The following NRCAM variants were observed in gnomAD, a reference collection of about 807,000 sequenced individuals.
The protein encoded by NRCAM is neuronal cell adhesion molecule, also known as NgCAM-related cell adhesion molecule.
NRCAM carries 83 observed loss-of-function variants against 156.5 expected under a neutral mutation model. The ratio of observed to expected loss-of-function variants is 0.53; its 90% confidence interval spans 0.44 to 0.64. The LOEUF is 0.64. NRCAM is among the 30% of genes least tolerant of loss of function. The pLI, the probability that NRCAM is intolerant of heterozygous loss-of-function variation, is 0.00. For missense variants in NRCAM, 1,417 were observed against 1,597.3 expected (o/e 0.89, Z 1.92); for synonymous variants, 538 against 563.9 (o/e 0.95, Z 0.65).
At chr7:108,454,845 G>T (rs1854715660) in intron 1 of NRCAM, among the ~76,000 whole-genome samples, 1 of 152,196 alleles carries the variant, frequency 6.6e-6, no homozygotes, top group Admixed American at 6.5e-5. Context: ...ACTTCTGAGC[G>T]TTAACCATCT....
intron 26 of NRCAM, among the ~76,000 whole-genome samples, chr7:108,177,655 A>G (rs1365889391): frequency 5.4e-4 from 8 of 14,930 alleles, no homozygotes; most frequent in Admixed American, 3.2e-3. Flanking sequence ...ATATATATAT[A>G]TATATGTATA....
At chr7:108,321,890 C>T (rs747201255) in intron 2 of NRCAM, among the ~76,000 whole-genome samples, 2 of 152,288 alleles carry the variant, frequency 1.3e-5, no homozygotes, top group South Asian at 2.1e-4. Flanking sequence ...AACTGTAGCT[C>T]ATATTCTAGC....
At chr7:108,331,141 A>G (rs1593718231) in intron 2 of NRCAM, among the ~76,000 whole-genome samples, 1 of 152,170 alleles carries the variant, frequency 6.6e-6, no homozygotes, top group East Asian at 1.9e-4. Context: ...GCTCGTGCCT[A>G]TAATCCCAAT....
intron 2 of NRCAM, among the ~76,000 whole-genome samples, chr7:108,314,036 G>A (rs1220142773): frequency 1.3e-5 from 2 of 152,182 alleles, no homozygotes; most frequent in Non-Finnish European, 2.9e-5. Flanking sequence ...GCATAATCCA[G>A]TTCAGGGCAA....
At chr7:108,179,412 C>A (rs2062318090) in intron 25 of NRCAM, among the ~76,000 whole-genome samples, 1 of 152,222 alleles carries the variant, frequency 6.6e-6, no homozygotes, top group Non-Finnish European at 1.5e-5. Flanking sequence ...TGGGGTCCAT[C>A]TTCTGTGAAC....
chr7:108,180,196 G>A (rs775300771), intron 25 of NRCAM, 27 bp downstream of exon 25: 1 of 1,604,098 alleles, frequency 6.2e-7, no homozygotes, highest in Non-Finnish European at 8.5e-7. Flanking sequence ...ATGTTCCTGA[G>A]ATCTTAGAGA....
chr7:108,310,741 A>T (rs1053896868), intron 3 of NRCAM, among the ~76,000 whole-genome samples: 2 of 152,156 alleles, frequency 1.3e-5, no homozygotes, highest in African/African-American at 4.8e-5. Flanking sequence ...AATTGGGAAG[A>T]CTCAGTATTT....
chr7:108,224,598 C>T (rs1052771089), intron 10 of NRCAM, among the ~76,000 whole-genome samples: 12 of 152,086 alleles, frequency 7.9e-5, no homozygotes, highest in African/African-American at 2.9e-4. Context: ...GAAATTACAT[C>T]ATCTTAAGGT....
chr7:108,215,699 CT>C (rs1266938953), intron 11 of NRCAM, among the ~76,000 whole-genome samples: 4 of 146,876 alleles, frequency 2.7e-5, no homozygotes, highest in Admixed American at 6.8e-5. Context: ...GGTTTAAAGT[CT>C]GTTTTATCAG....
chr7:108,218,967 T>C (rs920059506), intron 11 of NRCAM, among the ~76,000 whole-genome samples: 2 of 152,138 alleles, frequency 1.3e-5, no homozygotes, highest in Non-Finnish European at 2.9e-5. Flanking sequence ...ATTAGCAAGA[T>C]TAACCAAGAA....
At chr7:108,302,231 G>A (rs1318474832) in intron 3 of NRCAM, among the ~76,000 whole-genome samples, 1 of 151,816 alleles carries the variant, frequency 6.6e-6, no homozygotes, top group Non-Finnish European at 1.5e-5. Context: ...TTTGCTCTTG[G>A]CAAAATTTTC....
At chr7:108,428,534 C>A (rs1206717058) in intron 1 of NRCAM, among the ~76,000 whole-genome samples, 1 of 152,078 alleles carries the variant, frequency 6.6e-6, no homozygotes, top group Non-Finnish European at 1.5e-5. Flanking sequence ...AGGCTGCAAA[C>A]CAAACAATGC....
intron 1 of NRCAM, among the ~76,000 whole-genome samples, chr7:108,422,223 A>G (rs1264697463): frequency 1.3e-5 from 2 of 152,188 alleles, no homozygotes; most frequent in African/African-American, 2.4e-5. Flanking sequence ...AAATTCCAAC[A>G]TGACTTAATG....
intron 2 of NRCAM, among the ~76,000 whole-genome samples, chr7:108,317,922 A>G (rs1034867011): frequency 4.0e-5 from 6 of 151,254 alleles, no homozygotes; most frequent in Non-Finnish European, 7.4e-5. Flanking sequence ...AAAAAAAAAA[A>G]AGAAAGAAAG....
At chr7:108,386,241 T>C (rs2099740570) in intron 2 of NRCAM, among the ~76,000 whole-genome samples, 3 of 152,222 alleles carry the variant, frequency 2.0e-5, no homozygotes. Context: ...CTCTGCCAAT[T>C]ACTATTTGAC....
chr7:108,222,561 T>G (rs2153683479), intron 11 of NRCAM, among the ~76,000 whole-genome samples: 1 of 152,318 alleles, frequency 6.6e-6, no homozygotes, highest in Admixed American at 6.5e-5. Context: ...TTTTTTTTCT[T>G]AATTCTAGCA....
intron 2 of NRCAM, among the ~76,000 whole-genome samples, chr7:108,358,296 T>G (rs1327128158): frequency 6.7e-6 from 1 of 148,608 alleles, no homozygotes; most frequent in Admixed American, 6.7e-5. Context: ...TCCCAGCTAC[T>G]CGGGAGGCTA....
intron 1 of NRCAM, among the ~76,000 whole-genome samples, chr7:108,428,129 T>G (rs4727711): frequency 0.9 from 136,822 of 152,214 alleles, 61,976 homozygotes; most frequent in East Asian, 1. Context: ...AAAATAGAAA[T>G]GATATAAAAA....
chr7:108,166,248 C>CTTTTT (rs1034778488), intron 30 of NRCAM, among the ~76,000 whole-genome samples: 4 of 130,070 alleles, frequency 3.1e-5, no homozygotes, highest in Non-Finnish European at 3.3e-5. Context: ...TCTTTCTTTT[C>CTTTTT]TTTTTTTTTT....
Sources: gnomAD v4.1 joint callset for allele counts (sites outside exome capture counted in the v4.1 genomes callset) on GRCh38, gnomAD v4.1.1 for gene constraint, MANE v1.5 for transcripts, NCBI Gene and HGNC (gene_info 2026-07-23, HGNC 2026-07-21) for gene names.